SPR: variants seen among roughly 807,000 people sequenced by gnomAD.
The protein encoded by SPR is sepiapterin reductase.
A neutral mutation model predicts 16.0 loss-of-function variants in SPR; 12 were observed. The observed-to-expected ratio is 0.75, with a 90% confidence interval of 0.48 to 1.22. The LOEUF is 1.22. SPR is among the 50% of genes most tolerant of loss of function. SPR has a pLI of 0.00. For missense variants in SPR, 324 were observed against 344.4 expected (o/e 0.94, Z 0.47); for synonymous variants, 177 against 168.5 (o/e 1.05, Z -0.39).
Position 72,891,928 on chromosome 2 carries a change from A to G in SPR, c.*391A>G, listed in dbSNP as rs1245396803. 1 of 262,646 alleles carries G rather than the reference A, an allele frequency of 3.8e-6. No individual in the cohort carries two copies. The highest frequency in any genetic ancestry group is 7.5e-6 in the Non-Finnish European group (1 of 132,690). The allele number at this position is 262,646 out of a possible 1,614,324, so 16.3% of individuals were successfully genotyped here. A position where few individuals can be genotyped will look rare whatever the true frequency, so the allele number is the denominator to read the frequency against. On this transcript the variant is annotated 3_prime_UTR_variant, in exon 3 of 3. Transcript: ENST00000234454. Reference sequence around the variant, plus strand: ...GATCTGGTGTCGAATAGGAGGACCCATGTAGATTCGCAGATGGCCTGGATG... The same window carrying G: ...GATCTGGTGTCGAATAGGAGGACCCGTGTAGATTCGCAGATGGCCTGGATG...
At chr2:72,889,292 C>T (rs1043125412) in intron 2 of SPR, among the ~76,000 whole-genome samples, 1 of 152,152 alleles carries the variant, frequency 6.6e-6, no homozygotes, top group Admixed American at 6.5e-5. Flanking sequence ...GATACTGGGT[C>T]TAGTTTCTGA....
chr2:72,890,306 C>T (rs951232974), intron 2 of SPR, among the ~76,000 whole-genome samples: 3 of 152,056 alleles, frequency 2.0e-5, no homozygotes, highest in Non-Finnish European at 4.4e-5. Context: ...GGGTTTTGAG[C>T]GGAGGAATGT....
chr2:72,888,068 G>T (rs992341673), intron 1 of SPR, among the ~76,000 whole-genome samples: 2 of 152,230 alleles, frequency 1.3e-5, no homozygotes, highest in Non-Finnish European at 2.9e-5. Flanking sequence ...TTCTCCAAAG[G>T]ACCGCTAGAG....
chr2:72,888,341 T>G lies in SPR; in HGVS notation c.332T>G (p.Phe111Cys), dbSNP rs527477980. The part of the protein sequence containing the change: ...AGSLGDVSKG[F>C]VDLSDSTQVN... Reference sequence around the variant, plus strand: ...TCTCTTGGGGATGTGTCCAAAGGCTTCGTGGACCTGAGTGACTCCACTCAA... The same window carrying G: ...TCTCTTGGGGATGTGTCCAAAGGCTGCGTGGACCTGAGTGACTCCACTCAA... Residue 111 changes from phenylalanine (F) to cysteine (C), a missense_variant, in exon 2 of 3, where the codon TTC becomes TGC. Coordinates refer to ENST00000234454, the MANE Select transcript of SPR (RefSeq NM_003124.5). 2 of 1,614,188 alleles carry G rather than the reference T, an allele frequency of 1.2e-6. No homozygotes were observed. Among genetic ancestry groups the G allele is most frequent in the South Asian group, 2.2e-5 (2 of 91,080 alleles).
chr2:72,890,618 G>T (rs1670603119), intron 2 of SPR, among the ~76,000 whole-genome samples: 1 of 152,188 alleles, frequency 6.6e-6, no homozygotes, highest in Non-Finnish European at 1.5e-5. Flanking sequence ...TGGGATTACA[G>T]GCGTGAGCCA....
At chr2:72,891,305 G>A (rs749533390) in intron 2 of SPR, 42 bp from the exon 3 acceptor site, 28 of 1,611,258 alleles carry the variant, frequency 1.7e-5, no homozygotes, top group Non-Finnish European at 1.5e-5. Flanking sequence ...TTCTGTCCCT[G>A]CCTTGGCCAT....
rs1480978035 is a variant in SPR at position 72,892,013 on chromosome 2, AG to A, written c.*478del. ...ATAGATGCCCCTTGCTGAGGGTAGC[AG>A]GACCTTCTGTTGAACTTTGTGTCCT... On this transcript the variant is annotated 3_prime_UTR_variant, in exon 3 of 3. Coordinates refer to ENST00000234454, the MANE Select transcript of SPR (RefSeq NM_003124.5). 2 of 181,026 alleles carry A rather than the reference AG, an allele frequency of 1.1e-5. No individual in the cohort carries two copies. Among genetic ancestry groups the A allele is most frequent in the African/African-American group, 4.7e-5 (2 of 42,964 alleles). 11.2% of individuals were successfully genotyped at this position (181,026 alleles called of 1,614,324 possible). A position where few individuals can be genotyped will look rare whatever the true frequency, so the allele number is the denominator to read the frequency against.
chr2:72,888,256 G>GATAT (rs1484247852), intron 1 of SPR, 58 bp from the exon 2 acceptor site: 1 of 1,567,664 alleles, frequency 6.4e-7, no homozygotes, highest in South Asian at 1.1e-5. Context: ...ACTTGGGAGG[G>GATAT]CTGGGGAAGA....
In SPR at chr2:72,887,421, G is replaced by C; in HGVS notation, c.-12G>C. The C allele has an allele frequency of 4.1e-6, 6 of 1,471,938 alleles. No homozygotes were observed. Among genetic ancestry groups the C allele is most frequent in the Non-Finnish European group, 5.4e-6 (6 of 1,115,668 alleles). The allele number at this position is 1,471,938 out of a possible 1,614,324, so 91.2% of individuals were successfully genotyped here. ...GTCTCGGGTGCCAGCGCCGCCGGCG[G>C]AGAACAGGAGCATGGAGGGCGGGCT... On this transcript the variant is annotated 5_prime_UTR_variant, in exon 1 of 3. Transcript: ENST00000234454.
intron 2 of SPR, among the ~76,000 whole-genome samples, chr2:72,889,874 A>G (rs999214997): frequency 6.6e-6 from 1 of 152,334 alleles, no homozygotes; most frequent in East Asian, 1.9e-4. Context: ...CTGTTTGGAA[A>G]GGCAGCAAGT....
In SPR at chr2:72,887,444, G is replaced by A; in HGVS notation, c.12G>A (p.Gly4=). Residue 4 remains glycine, a synonymous_variant, in exon 1 of 3, where the codon GGG becomes GGA. Transcript: ENST00000234454. The stretch of plus-strand genomic sequence containing the variant: ...CGGAGAACAGGAGCATGGAGGGCGG[G>A]CTGGGGCGTGCTGTGTGCTTGCTGA... MEG[G]LGRAVCLLTG... 6.7e-7 allele frequency: 1 copy of A among 1,501,124 alleles called. No individual in the cohort carries two copies. 93.0% of individuals were successfully genotyped at this position (1,501,124 alleles called of 1,614,324 possible). A position where few individuals can be genotyped will look rare whatever the true frequency, so the allele number is the denominator to read the frequency against.
chr2:72,888,511 G>A lies in SPR; in HGVS notation c.502G>A (p.Ala168Thr), dbSNP rs145110113. Residue 168 changes from alanine to threonine, a missense_variant, in exon 2 of 3, where the codon GCG (alanine) becomes ACG (threonine). Physicochemically the swap from Ala to Thr is moderately conservative, Grantham distance 58. Coordinates refer to ENST00000234454, the MANE Select transcript of SPR (RefSeq NM_003124.5). ...LCALQPFKGW[A>T]LYCAGKAARD... ...TGCCCTGCAACCTTTCAAAGGCTGG[G>A]CGCTGTACTGTGCAGGAAAGGCTGC... is the stretch of plus-strand genomic sequence containing the variant. 344 of 1,612,404 alleles carry A rather than the reference G, an allele frequency of 2.1e-4. 1 individual carries two copies. The highest frequency in any genetic ancestry group is 2.8e-4 in the Non-Finnish European group (332 of 1,179,204).
intron 2 of SPR, among the ~76,000 whole-genome samples, chr2:72,889,066 G>A (rs1670583541): frequency 6.6e-6 from 1 of 152,222 alleles, no homozygotes; most frequent in African/African-American, 2.4e-5. Context: ...TCCCTTGACA[G>A]GAAAGCCTTT....
intron 2 of SPR, among the ~76,000 whole-genome samples, chr2:72,889,381 C>T (rs1670588228): frequency 6.6e-6 from 1 of 152,178 alleles, no homozygotes; most frequent in Non-Finnish European, 1.5e-5. Flanking sequence ...GGTGACAGAG[C>T]AGCCATGGAA....
intron 1 of SPR, among the ~76,000 whole-genome samples, chr2:72,887,967 G>T (rs1004905235): frequency 6.6e-6 from 1 of 152,222 alleles, no homozygotes; most frequent in Admixed American, 6.5e-5. Flanking sequence ...TTTCCAAAGC[G>T]CCTGTAGAAC....
chr2:72,890,923 G>T (rs886825443), intron 2 of SPR, among the ~76,000 whole-genome samples: 1 of 152,162 alleles, frequency 6.6e-6, no homozygotes, highest in Non-Finnish European at 1.5e-5. Flanking sequence ...AAGCAAGGTT[G>T]TAAAAAGGGC....
At chr2:72,889,079 A>C (rs962212396) in intron 2 of SPR, among the ~76,000 whole-genome samples, 2 of 152,204 alleles carry the variant, frequency 1.3e-5, no homozygotes, top group African/African-American at 4.8e-5. Context: ...AAGCCTTTGC[A>C]CTATGCAGAT....
In SPR at chr2:72,891,700, G is replaced by GT; in HGVS notation, c.*164dup. 2.5e-6 allele frequency: 2 copies of GT among 810,418 alleles called. No homozygotes were observed. The highest frequency in any genetic ancestry group is 3.0e-5 in the South Asian group (2 of 66,648). 50.2% of individuals were successfully genotyped at this position (810,418 alleles called of 1,614,324 possible). On this transcript the variant is annotated 3_prime_UTR_variant, in exon 3 of 3. Coordinates refer to ENST00000234454, the MANE Select transcript of SPR (RefSeq NM_003124.5). Reference sequence around the variant, plus strand: ...GGCACAGCCAGCTGTGAGCTCCCAGGTCATTGGCCTTACCAGTTGTCAGGA... The same window carrying GT: ...GGCACAGCCAGCTGTGAGCTCCCAGGTTCATTGGCCTTACCAGTTGTCAGGA...
intron 2 of SPR, among the ~76,000 whole-genome samples, chr2:72,889,114 C>T (rs142183534): frequency 1.3e-3 from 193 of 152,348 alleles, no homozygotes; most frequent in Middle Eastern, 3.4e-3. Flanking sequence ...CCTAGCAAAG[C>T]ACTACACTAA....
Sources: gnomAD v4.1 joint callset for allele counts (sites outside exome capture counted in the v4.1 genomes callset) on GRCh38, gnomAD v4.1.1 for gene constraint, MANE v1.5 for transcripts, NCBI Gene and HGNC (gene_info 2026-07-23, HGNC 2026-07-21) for gene names.